Variants in ITGB8 observed in about 807,000 individuals in gnomAD.
The protein encoded by ITGB8 is integrin subunit beta 8.
A neutral mutation model predicts 89.5 loss-of-function variants in ITGB8; 30 were observed. The ratio of observed to expected loss-of-function variants is 0.34; its 90% CI spans 0.25 to 0.45. The LOEUF (loss-of-function observed/expected upper bound fraction) is 0.45, where lower values mean the gene tolerates loss of function less well. ITGB8 is among the 20% of genes least tolerant of loss of function. The pLI, the probability that ITGB8 is intolerant of heterozygous loss-of-function variation, is 1.00. For synonymous variants in ITGB8, 335 were observed against 320.4 expected, an observed-to-expected ratio of 1.05 and a Z score of -0.49; for missense variants, 836 against 933.3, an observed-to-expected ratio of 0.90 and a Z score of 1.36.
At chr7:20,345,994 G>C (rs1467872905) in intron 1 of ITGB8, among the ~76,000 whole-genome samples, 2 of 152,144 alleles carry the variant, frequency 1.3e-5, no homozygotes, top group African/African-American at 4.8e-5. Context: ...AAACGAGAAA[G>C]CATCTCCCTG....
In ITGB8 at chr7:20,409,760, A is replaced by G; in HGVS notation, c.2169A>G (p.Arg723=). 6.2e-7 allele frequency: 1 copy of G among 1,613,018 alleles called. No homozygotes were observed. Among genetic ancestry groups the G allele is most frequent in the Non-Finnish European group, 8.5e-7 (1 of 1,179,464 alleles). Residue 723 remains arginine, a synonymous_variant, in exon 13 of 14, where the codon AGA becomes AGG. Coordinates refer to ENST00000222573, the MANE Select transcript of ITGB8 (RefSeq NM_002214.3). The part of the protein sequence containing the change: ...SNKIKSSSDY[R]VSASKKDKLI... The stretch of plus-strand genomic sequence containing the variant: ...AAATTAAGTCCTCATCAGATTACAG[A>G]GTGTCAGCCTCAAAAAAGGTCAGTG...
intron 1 of ITGB8, among the ~76,000 whole-genome samples, chr7:20,358,958 T>C (rs770585795): frequency 1.3e-4 from 20 of 152,124 alleles, no homozygotes; most frequent in Non-Finnish European, 2.9e-4. Context: ...TGGTAACATG[T>C]GTTGTTCGGT....
chr7:20,330,429 C>T (rs1432191406), upstream of ITGB8, among the ~76,000 whole-genome samples: 1 of 152,172 alleles, frequency 6.6e-6, no homozygotes, highest in Non-Finnish European at 1.5e-5. Flanking sequence ...GGTTTGCTCG[C>T]AGCTGCCGCT....
intron 9 of ITGB8, among the ~76,000 whole-genome samples, chr7:20,400,229 T>A (rs1787252634): frequency 6.6e-6 from 1 of 152,240 alleles, no homozygotes; most frequent in South Asian, 2.1e-4. Context: ...TCTTTTCATT[T>A]GCTTACATGC....
At chr7:20,349,231 G>A (rs962077038) in intron 1 of ITGB8, among the ~76,000 whole-genome samples, 1 of 151,870 alleles carries the variant, frequency 6.6e-6, no homozygotes, top group Non-Finnish European at 1.5e-5. Flanking sequence ...GTCATATTTG[G>A]CATTGAGGAT....
chr7:20,404,458 C>A (rs6973059), intron 10 of ITGB8, among the ~76,000 whole-genome samples, 170 bp from the exon 11 acceptor site: 1 of 152,070 alleles, frequency 6.6e-6, no homozygotes, highest in Non-Finnish European at 1.5e-5. Context: ...TGAAAACAGA[C>A]CCTCCTAAAT....
chr7:20,358,425 T>C lies in ITGB8; in HGVS notation c.128-5212T>C, dbSNP rs1357210702. Among the ~76,000 whole-genome samples the C allele has an allele frequency of 2.6e-5, 4 of 152,152 alleles. No individual in the cohort carries two copies. In the South Asian group the frequency reaches 8.3e-4, roughly 32 times the overall value. On this transcript the variant is annotated intron_variant, in intron 1 of 13. Coordinates refer to ENST00000222573, the MANE Select transcript of ITGB8 (RefSeq NM_002214.3). Reference sequence around the variant, plus strand: ...ATATTAGCATCATTTTTTTCTTTTTTTTTTTGTGAGTCACAATGGATGTCA... The same window carrying C: ...ATATTAGCATCATTTTTTTCTTTTTCTTTTTGTGAGTCACAATGGATGTCA...
At chr7:20,396,760 A>C (rs866321377) in intron 8 of ITGB8, among the ~76,000 whole-genome samples, 1 of 152,208 alleles carries the variant, frequency 6.6e-6, no homozygotes, top group Non-Finnish European at 1.5e-5. Flanking sequence ...TTACTCCAAA[A>C]AAAGTATATA....
In ITGB8 at chr7:20,331,453, C is replaced by G. The variant is rs534199016; in HGVS notation, c.-354C>G. On this transcript the variant is annotated 5_prime_UTR_variant, in exon 1 of 14. Coordinates refer to ENST00000222573, the MANE Select transcript of ITGB8 (RefSeq NM_002214.3). ...CTGATTTATGCAGCAGAAGCCCCAC[C>G]GGCTGGAGAGAAACAAAAGCTCTTT... is the stretch of plus-strand genomic sequence containing the variant. 1.2e-5 allele frequency: 5 copies of G among 412,068 alleles called. No individual in the cohort carries two copies. The highest frequency in any genetic ancestry group is 7.1e-5 in the East Asian group (2 of 28,064). 25.5% of individuals were successfully genotyped at this position (412,068 alleles called of 1,614,324 possible).
intron 6 of ITGB8, among the ~76,000 whole-genome samples, chr7:20,385,077 C>T (rs1029903412): frequency 6.6e-6 from 1 of 152,180 alleles, no homozygotes; most frequent in Admixed American, 6.5e-5. Context: ...TTTGGAATTT[C>T]ACCCTGTCTC....
intron 1 of ITGB8, among the ~76,000 whole-genome samples, chr7:20,358,869 C>T (rs1785394562): frequency 6.6e-6 from 1 of 152,190 alleles, no homozygotes; most frequent in African/African-American, 2.4e-5. Flanking sequence ...TCCCTACTTT[C>T]ACCCTCTAGT....
chr7:20,332,366 G>C (rs1784434207), intron 1 of ITGB8, among the ~76,000 whole-genome samples: 1 of 152,176 alleles, frequency 6.6e-6, no homozygotes, highest in Non-Finnish European at 1.5e-5. Flanking sequence ...GTTATAATGG[G>C]AGTAGTCTTC....
intron 1 of ITGB8, among the ~76,000 whole-genome samples, chr7:20,363,029 T>G (rs751914702): frequency 3.9e-5 from 6 of 152,202 alleles, no homozygotes; most frequent in Admixed American, 1.3e-4. Flanking sequence ...CTCATTCAGT[T>G]TAACCACTTT....
At chr7:20,385,199 G>A (rs536243942) in intron 6 of ITGB8, among the ~76,000 whole-genome samples, 2 of 152,290 alleles carry the variant, frequency 1.3e-5, no homozygotes, top group South Asian at 4.2e-4. Flanking sequence ...CAGTAACAAT[G>A]AAAGAAGACC....
At chr7:20,398,011 GT>G (rs1424847437) in intron 8 of ITGB8, among the ~76,000 whole-genome samples, 2 of 151,340 alleles carry the variant, frequency 1.3e-5, no homozygotes, top group Non-Finnish European at 2.9e-5. Flanking sequence ...TAGACTCTTA[GT>G]TGTATGGAAT....
chr7:20,331,902 G>A lies in ITGB8; in HGVS notation c.96G>A (p.Val32=), dbSNP rs192205393. Residue 32 remains valine (V), a synonymous_variant, in exon 1 of 14, where the codon GTG becomes GTA. Transcript: ENST00000222573. Reference sequence around the variant, plus strand: ...CCTCGTTCCTCTGGGCAGCCTGGGTGTTTTCACTTGTTCTTGGACTGGGCC... The same window carrying A: ...CCTCGTTCCTCTGGGCAGCCTGGGTATTTTCACTTGTTCTTGGACTGGGCC... The part of the protein sequence containing the change: ...GPASFLWAAW[V]FSLVLGLGQG... The A allele has an allele frequency of 8.7e-6, 14 of 1,614,190 alleles. No individual in the cohort carries two copies. The Admixed American group carries it at 2.3e-4, about 27-fold the overall frequency.
At chr7:20,358,747 T>C (rs1314570933) in intron 1 of ITGB8, among the ~76,000 whole-genome samples, 1 of 152,146 alleles carries the variant, frequency 6.6e-6, no homozygotes, top group Non-Finnish European at 1.5e-5. Flanking sequence ...AGAGTGTACA[T>C]GTGCAGGTTT....
chr7:20,398,936 C>T lies in ITGB8; in HGVS notation c.1223C>T (p.Pro408Leu), dbSNP rs745410397. Residue 408 changes from proline (P) to leucine (L), a missense_variant, in exon 9 of 14, where the codon CCA becomes CTA. Physicochemically the swap from Pro to Leu is moderately conservative, Grantham distance 98. Around this residue, in one of 5 missense-constraint regions of ITGB8, gnomAD observed 192 missense variants for 267.1 expected, o/e 0.72. Coordinates refer to ENST00000222573, the MANE Select transcript of ITGB8 (RefSeq NM_002214.3). ...GIYFNITAIC[P>L]DGSRKPGMEG... Reference sequence around the variant, plus strand: ...TATTTTAACATTACCGCCATCTGTCCAGATGGGTCCAGAAAGCCAGGCATG... The same window carrying T: ...TATTTTAACATTACCGCCATCTGTCTAGATGGGTCCAGAAAGCCAGGCATG... The T allele has an allele frequency of 6.2e-6, 10 of 1,613,412 alleles. No homozygotes were observed. In the South Asian group the frequency reaches 1.1e-4, roughly 18 times the overall value.
intron 6 of ITGB8, among the ~76,000 whole-genome samples, chr7:20,389,078 G>A (rs1786749644): frequency 6.6e-6 from 1 of 151,904 alleles, no homozygotes; most frequent in African/African-American, 2.4e-5. Context: ...TTGCTATTGT[G>A]AACAGTATTG....
Sources: allele counts gnomAD v4.1 joint callset (sites outside exome capture counted in the v4.1 genomes callset), GRCh38; gene constraint gnomAD v4.1.1; regional missense constraint gnomAD v4.1.1; transcripts MANE v1.5; gene names NCBI Gene and HGNC (gene_info 2026-07-23, HGNC 2026-07-21).